PDZRN4: variants seen among roughly 807,000 people sequenced by gnomAD.
PDZRN4 encodes the protein PDZ domain-containing RING finger protein 4.
In PDZRN4, 70 loss-of-function variants were observed where a neutral mutation model predicts 99.0. That is an observed-to-expected ratio of 0.71 (90% confidence interval 0.58 to 0.86). PDZRN4 has a LOEUF of 0.86. Ranked by LOEUF, PDZRN4 falls within the 40% of genes least tolerant of loss-of-function variation. The pLI, the probability that PDZRN4 is intolerant of heterozygous loss-of-function variation, is 0.00. For missense variants in PDZRN4, 1,474 were observed against 1,331.2 expected, an observed-to-expected ratio of 1.11 and a Z score of -1.67; for synonymous variants, 551 against 501.6, an observed-to-expected ratio of 1.10 and a Z score of -1.32.
At chr12:41,229,614 G>A (rs148188665) in intron 3 of PDZRN4, among the ~76,000 whole-genome samples, 1 of 151,992 alleles carries the variant, frequency 6.6e-6, no homozygotes, top group Non-Finnish European at 1.5e-5. Flanking sequence ...TGCTTTCCTT[G>A]AGTTTCACAT....
intron 3 of PDZRN4, among the ~76,000 whole-genome samples, chr12:41,407,913 G>A (rs1458162): frequency 0.043 from 5,426 of 127,424 alleles, 325 homozygotes; most frequent in African/African-American, 0.15. Context: ...GCTTATCATC[G>A]TAGAAGCTGT....
Position 41,283,660 on chromosome 12 carries a change from C to T in PDZRN4, c.843+89472C>T, listed in dbSNP as rs536712365. Among the ~76,000 whole-genome samples, 8 of 152,256 alleles carry T rather than the reference C, an allele frequency of 5.3e-5. 1 individual carries two copies. Among genetic ancestry groups the T allele is most frequent in the African/African-American group, 1.9e-4 (8 of 41,548 alleles). The stretch of plus-strand genomic sequence containing the variant: ...GCAGCACATCAAAAAGCTTTTCCAC[C>T]GTGATCAAGGTGGCTTCATCCCTGG... On this transcript the variant is annotated intron_variant, in intron 3 of 9. Coordinates refer to ENST00000402685, the MANE Select transcript of PDZRN4 (RefSeq NM_001164595.2).
intron 3 of PDZRN4, among the ~76,000 whole-genome samples, chr12:41,214,483 A>G (rs1416343420): frequency 6.9e-6 from 1 of 144,602 alleles, no homozygotes; most frequent in Admixed American, 7.5e-5. Context: ...GAAATTCCTG[A>G]AACATAAATA....
intron 3 of PDZRN4, among the ~76,000 whole-genome samples, chr12:41,337,461 G>C (rs140293694): frequency 2.0e-5 from 3 of 152,040 alleles, no homozygotes; most frequent in East Asian, 3.9e-4. Context: ...TGGACAACCA[G>C]ATGCGAAGAG....
At chr12:41,551,860 C>T (rs1170410358) in intron 5 of PDZRN4, among the ~76,000 whole-genome samples, 1 of 152,094 alleles carries the variant, frequency 6.6e-6, no homozygotes, top group Non-Finnish European at 1.5e-5. Context: ...AGTACAAGTC[C>T]ATTTCATTAT....
chr12:41,383,302 G>A (rs1952140090), intron 3 of PDZRN4, among the ~76,000 whole-genome samples: 2 of 152,216 alleles, frequency 1.3e-5, no homozygotes, highest in Admixed American at 6.5e-5. Context: ...CAGCAAAGCT[G>A]TTCTGTGGAG....
At chr12:41,306,281 C>G (rs1951568998) in intron 3 of PDZRN4, among the ~76,000 whole-genome samples, 1 of 152,226 alleles carries the variant, frequency 6.6e-6, no homozygotes, top group South Asian at 2.1e-4. Flanking sequence ...TCCAGGCAGC[C>G]CTGCCCCATG....
intron 3 of PDZRN4, among the ~76,000 whole-genome samples, chr12:41,399,823 CCTT>C (rs917308564): frequency 4.0e-5 from 6 of 151,422 alleles, no homozygotes; most frequent in African/African-American, 1.5e-4. Context: ...TATATTTCTT[CCTT>C]AATTGTTCAA....
intron 5 of PDZRN4, among the ~76,000 whole-genome samples, chr12:41,529,689 G>C (rs1938626890): frequency 6.6e-6 from 1 of 152,112 alleles, no homozygotes; most frequent in Non-Finnish European, 1.5e-5. Flanking sequence ...CTATTTTCCT[G>C]ACTCTACTCT....
At chr12:41,197,846 A>G (rs1950784038) in intron 3 of PDZRN4, among the ~76,000 whole-genome samples, 1 of 151,340 alleles carries the variant, frequency 6.6e-6, no homozygotes, top group Admixed American at 6.6e-5. Flanking sequence ...AACAAAGTTC[A>G]CTGTTGCTTT....
intron 3 of PDZRN4, among the ~76,000 whole-genome samples, chr12:41,295,453 A>G (rs1319047449): frequency 6.6e-6 from 1 of 152,038 alleles, no homozygotes; most frequent in Non-Finnish European, 1.5e-5. Flanking sequence ...TTTTCTCTGC[A>G]GGACAAAAGA....
intron 5 of PDZRN4, among the ~76,000 whole-genome samples, chr12:41,543,231 T>G (rs1938890602): frequency 6.6e-6 from 1 of 152,204 alleles, no homozygotes. Context: ...AGTGAATTCT[T>G]TATGTGCTTA....
intron 3 of PDZRN4, among the ~76,000 whole-genome samples, chr12:41,245,587 A>G (rs1004129135): frequency 2.6e-5 from 4 of 152,138 alleles, no homozygotes; most frequent in African/African-American, 4.8e-5. Flanking sequence ...ATTTCTGTAC[A>G]TGAAAAATAT....
At chr12:41,459,881 A>AG (rs145394584) in intron 3 of PDZRN4, 1 of 1,174,836 alleles carries the variant, frequency 8.5e-7, no homozygotes, top group African/African-American at 1.6e-5. Flanking sequence ...GTTTAAAAAA[A>AG]ATGAAAACTT....
intron 6 of PDZRN4, among the ~76,000 whole-genome samples, chr12:41,553,307 C>G (rs577980048): frequency 6.6e-6 from 1 of 152,184 alleles, no homozygotes; most frequent in Non-Finnish European, 1.5e-5. Flanking sequence ...GTCTAAAATG[C>G]GAGATACTGT....
At chr12:41,339,757 G>A (rs536049843) in intron 3 of PDZRN4, among the ~76,000 whole-genome samples, 2 of 152,100 alleles carry the variant, frequency 1.3e-5, no homozygotes, top group South Asian at 4.1e-4. Context: ...TTAAAAATGG[G>A]CAAAAGGGCT....
chr12:41,453,292 A>G (rs1355838287), intron 3 of PDZRN4, among the ~76,000 whole-genome samples: 2 of 152,186 alleles, frequency 1.3e-5, no homozygotes, highest in Non-Finnish European at 2.9e-5. Context: ...ATATGCAGAC[A>G]TAATTTCTAA....
chr12:41,234,889 A>T (rs1951055299), intron 3 of PDZRN4, among the ~76,000 whole-genome samples: 1 of 152,010 alleles, frequency 6.6e-6, no homozygotes, highest in Non-Finnish European at 1.5e-5. Flanking sequence ...ATATGGGACT[A>T]ATTGAAGTGG....
chr12:41,362,483 A>G (rs1198004922), intron 3 of PDZRN4, among the ~76,000 whole-genome samples: 5 of 152,084 alleles, frequency 3.3e-5, no homozygotes, highest in Non-Finnish European at 7.4e-5. Flanking sequence ...TAAAAGCTAC[A>G]TAAGATGGAG....
Sources: allele counts gnomAD v4.1 joint callset (sites outside exome capture counted in the v4.1 genomes callset), GRCh38; gene constraint gnomAD v4.1.1; transcripts MANE v1.5; gene names NCBI Gene and HGNC (gene_info 2026-07-23, HGNC 2026-07-21).